The following FSTL4 variants were observed in gnomAD, a reference collection of about 807,000 sequenced individuals.
FSTL4 encodes the protein follistatin like 4, also known as follistatin-related protein 4.
FSTL4 carries 28 observed loss-of-function variants against 78.2 expected under a neutral mutation model. The observed-to-expected ratio is 0.36, with a 90% CI of 0.27 to 0.49. The LOEUF is 0.49. Ranked by LOEUF, FSTL4 falls within the 20% of genes least tolerant of loss-of-function variation. FSTL4 has a pLI of 0.98. For synonymous variants in FSTL4, 422 were observed against 440.5 expected, an observed-to-expected ratio of 0.96 and a Z score of 0.53; for missense variants, 922 against 1,084.9, an observed-to-expected ratio of 0.85 and a Z score of 2.11.
the FSTL4 span, among the ~76,000 whole-genome samples, chr5:133,792,655 G>A: frequency 4.6e-5 from 7 of 152,212 alleles, no homozygotes; most frequent in African/African-American, 1.4e-4. Context: ...TGGGGAAGGC[G>A]AGGCCTATGT....
chr5:133,206,596 A>AGGTG (rs2126766017), intron 14 of FSTL4, among the ~76,000 whole-genome samples: 1 of 152,280 alleles, frequency 6.6e-6, no homozygotes, highest in Admixed American at 6.5e-5. Context: ...TCCTGACCTC[A>AGGTG]GGTGATTCAT....
At chr5:133,806,703 G>A in the FSTL4 span, among the ~76,000 whole-genome samples, 14,549 of 152,218 alleles carry the variant, frequency 0.096, 779 homozygotes, top group Admixed American at 0.14. Context: ...AAGTGCCCCT[G>A]CCCCTGAGAA....
chr5:133,230,582 A>T (rs1482508469), intron 8 of FSTL4, among the ~76,000 whole-genome samples: 3 of 152,096 alleles, frequency 2.0e-5, no homozygotes, highest in African/African-American at 7.2e-5. Context: ...GGTTTTTTTG[A>T]GCCAAAGCGG....
At chr5:133,263,484 A>G (rs563208327) in intron 6 of FSTL4, among the ~76,000 whole-genome samples, 6 of 152,170 alleles carry the variant, frequency 3.9e-5, no homozygotes, top group Admixed American at 1.3e-4. Flanking sequence ...GGTGTGGCTC[A>G]CTTGTGCCCA....
At chr5:133,661,768 T>C in the FSTL4 span, among the ~76,000 whole-genome samples, 1 of 152,242 alleles carries the variant, frequency 6.6e-6, no homozygotes, top group African/African-American at 2.4e-5. Context: ...AGCTCTTGTT[T>C]ATAAAGATAA....
At chr5:133,348,245 A>G (rs1169301980) in intron 4 of FSTL4, among the ~76,000 whole-genome samples, 1 of 152,254 alleles carries the variant, frequency 6.6e-6, no homozygotes, top group Non-Finnish European at 1.5e-5. Context: ...AAGGTAATTT[A>G]TGTCTGAAGC....
the FSTL4 span, among the ~76,000 whole-genome samples, chr5:133,662,212 G>A: frequency 2.0e-5 from 3 of 152,176 alleles, no homozygotes; most frequent in Non-Finnish European, 4.4e-5. Flanking sequence ...TAGTGGCAAT[G>A]CTATAAATAG....
At position 133,357,898 on chromosome 5, in the gene FSTL4, C is replaced by T. The variant is rs572251637; in HGVS notation, c.410-41246G>A. 2.6e-5 allele frequency among the ~76,000 whole-genome samples: 4 copies of T among 152,336 alleles called. No individual in the cohort carries two copies. The East Asian group carries it at 5.8e-4, about 22-fold the overall frequency. On this transcript the variant is annotated intron_variant, in intron 4 of 15. Coordinates refer to ENST00000265342, the MANE Select transcript of FSTL4 (RefSeq NM_015082.2). ...CCGCCCCCAGCTTCTCAGCCCACTC[C>T]TGTTCTAGCTGAGTCTGGGCAGAGG...
At chr5:133,516,717 C>T (rs1758858063) in intron 3 of FSTL4, among the ~76,000 whole-genome samples, 3 of 152,132 alleles carry the variant, frequency 2.0e-5, no homozygotes, top group African/African-American at 7.2e-5. Flanking sequence ...GTGTTGACTT[C>T]TCTAACATTA....
At chr5:133,206,078 GT>G (rs1561617484) in intron 14 of FSTL4, among the ~76,000 whole-genome samples, 1 of 152,102 alleles carries the variant, frequency 6.6e-6, no homozygotes, top group Non-Finnish European at 1.5e-5. Flanking sequence ...TTTAAATCAG[GT>G]TTTATAATCA....
At chr5:133,489,840 C>T (rs543578019) in intron 3 of FSTL4, among the ~76,000 whole-genome samples, 1 of 152,312 alleles carries the variant, frequency 6.6e-6, no homozygotes, top group South Asian at 2.1e-4. Context: ...TGCCCATGAA[C>T]ATTAGTGAGA....
At chr5:133,820,188 C>A in the FSTL4 span, among the ~76,000 whole-genome samples, 5 of 152,206 alleles carry the variant, frequency 3.3e-5, no homozygotes, top group Non-Finnish European at 1.5e-5. Context: ...TCCTTCCCCA[C>A]AGAGCAGCAC....
At chr5:133,633,670 T>C in the FSTL4 span, among the ~76,000 whole-genome samples, 1 of 152,234 alleles carries the variant, frequency 6.6e-6, no homozygotes, top group African/African-American at 2.4e-5. Context: ...GGTTGTATGA[T>C]GATGAGTTTT....
At chr5:133,589,142 C>T (rs1473572896) in intron 2 of FSTL4, among the ~76,000 whole-genome samples, 3 of 49,460 alleles carry the variant, frequency 6.1e-5, no homozygotes, top group Admixed American at 2.2e-4. Flanking sequence ...GTGGTGGGGT[C>T]GGGGGAGGGG....
At chr5:133,352,267 CACATATATATAT>C (rs1322690299) in intron 4 of FSTL4, among the ~76,000 whole-genome samples, 17 of 55,790 alleles carry the variant, frequency 3.0e-4, no homozygotes, top group Non-Finnish European at 5.7e-4. Flanking sequence ...TATATATACA[CACATATATATAT>C]ACACACATAT....
the FSTL4 span, among the ~76,000 whole-genome samples, chr5:133,816,295 G>A: frequency 6.6e-6 from 1 of 152,180 alleles, no homozygotes; most frequent in African/African-American, 2.4e-5. Flanking sequence ...AGCTCTCCAG[G>A]ACCACCTGGG....
intron 4 of FSTL4, among the ~76,000 whole-genome samples, chr5:133,369,180 T>A (rs771833679): frequency 2.6e-5 from 4 of 152,186 alleles, no homozygotes; most frequent in Non-Finnish European, 5.9e-5. Flanking sequence ...CCTTTTCTTG[T>A]TAATGTTAAT....
intron 3 of FSTL4, among the ~76,000 whole-genome samples, chr5:133,471,527 C>T (rs1757826670): frequency 6.6e-6 from 1 of 152,166 alleles, no homozygotes; most frequent in African/African-American, 2.4e-5. Context: ...CCCCTTCTGC[C>T]ATGTGAGGAC....
chr5:133,627,151 C>CTTTTTTTT, the FSTL4 span, among the ~76,000 whole-genome samples: 91 of 92,984 alleles, frequency 9.8e-4, no homozygotes, highest in Non-Finnish European at 1.4e-3. Flanking sequence ...CTCTGTGTCT[C>CTTTTTTTT]TTTTTTTTTT....
Sources: allele counts gnomAD v4.1 joint callset (sites outside exome capture counted in the v4.1 genomes callset), GRCh38; gene constraint gnomAD v4.1.1; transcripts MANE v1.5; gene names NCBI Gene and HGNC (gene_info 2026-07-23, HGNC 2026-07-21).